The following GABRR2 variants were observed in gnomAD, a reference collection of about 807,000 sequenced individuals.
GABRR2 encodes gamma-aminobutyric acid type A receptor subunit rho2.
In GABRR2, 36 loss-of-function variants were observed where a neutral mutation model predicts 47.0. The observed-to-expected ratio is 0.77, with a 90% CI of 0.59 to 1.01. The LOEUF (loss-of-function observed/expected upper bound fraction) is 1.01, where lower values mean the gene tolerates loss of function less well. Ranked by LOEUF, GABRR2 falls within the 50% of genes least tolerant of loss-of-function variation. GABRR2 has a pLI of 0.00. For missense variants in GABRR2, 587 were observed against 594.6 expected (o/e 0.99, Z 0.13); for synonymous variants, 204 against 227.5 (o/e 0.90, Z 0.93).
intron 1 of GABRR2, among the ~76,000 whole-genome samples, chr6:89,300,288 T>C (rs1774643738): frequency 6.6e-6 from 1 of 152,124 alleles, no homozygotes; most frequent in African/African-American, 2.4e-5. Flanking sequence ...GGTGGGCAGA[T>C]TGCTTGAGGT....
At chr6:89,282,478 G>A (rs536769889) in intron 2 of GABRR2, among the ~76,000 whole-genome samples, 1 of 152,356 alleles carries the variant, frequency 6.6e-6, no homozygotes, top group South Asian at 2.1e-4. Context: ...CTTGCTATGA[G>A]AGCCCAGGGT....
intron 2 of GABRR2, among the ~76,000 whole-genome samples, chr6:89,284,795 G>C (rs1370782736): frequency 2.6e-5 from 4 of 152,206 alleles, no homozygotes; most frequent in Non-Finnish European, 4.4e-5. Flanking sequence ...CTCCGCATTT[G>C]TGATAATTTG....
rs1312127974 is a variant in GABRR2 at position 89,299,797 on chromosome 6, A to G, written c.182T>C (p.Val61Ala). Residue 61 changes from valine (V) to alanine (A), a missense_variant, in exon 2 of 9, where the codon GTG becomes GCG. By Grantham distance (64) the Val-to-Ala change is moderately conservative. Coordinates refer to ENST00000402938, the MANE Select transcript of GABRR2 (RefSeq NM_002043.5). ...TCTCATGCTGAAGTCGTGCTCGTCCACTCTGAGAAGCTGCTGAGGCTTTCC... is the reference window on the plus strand; with the variant it reads ...TCTCATGCTGAAGTCGTGCTCGTCCGCTCTGAGAAGCTGCTGAGGCTTTCC... ...RKGKPQQLLRVDEHDFSMRPA... is the reference protein window; with the variant it reads ...RKGKPQQLLRADEHDFSMRPA... The G allele has an allele frequency of 2.5e-6, 4 of 1,613,690 alleles. No homozygotes were observed. Among genetic ancestry groups the G allele is most frequent in the African/African-American group, 1.3e-5 (1 of 74,844 alleles).
At chr6:89,302,931 G>T (rs768594435) in intron 1 of GABRR2, 1 of 1,189,560 alleles carries the variant, frequency 8.4e-7, no homozygotes, top group Non-Finnish European at 1.2e-6. Context: ...ACATGTTCCA[G>T]CACAAGGCCT....
chr6:89,313,647 T>C (rs1026355335), intron 1 of GABRR2, among the ~76,000 whole-genome samples: 2 of 152,178 alleles, frequency 1.3e-5, no homozygotes. Flanking sequence ...CTGGGTGTGG[T>C]GGCTTCTGCC....
intron 2 of GABRR2, among the ~76,000 whole-genome samples, chr6:89,275,867 G>A (rs910233205): frequency 6.6e-6 from 1 of 152,012 alleles, no homozygotes; most frequent in African/African-American, 2.4e-5. Context: ...AACCTTTGTA[G>A]GGTTCGCAGC....
intron 1 of GABRR2, chr6:89,303,032 A>G (rs1320681130): frequency 8.4e-7 from 1 of 1,192,810 alleles, no homozygotes; most frequent in African/African-American, 1.6e-5. Flanking sequence ...GAGTACCAGC[A>G]GTACCAGGAC....
rs1332411430 is a variant in GABRR2 at position 89,255,095 on chromosome 6, A to G, written c.*2575T>C. Among the ~76,000 whole-genome samples the G allele has an allele frequency of 6.6e-6, 1 of 152,224 alleles. No individual in the cohort carries two copies. The highest frequency in any genetic ancestry group is 1.5e-5 in the Non-Finnish European group (1 of 68,044). On this transcript the variant is annotated 3_prime_UTR_variant, in exon 9 of 9. Coordinates refer to ENST00000402938, the MANE Select transcript of GABRR2 (RefSeq NM_002043.5). ...AATATGATATATTTAATGACAATAG[A>G]ATTATCATTCTTCGAGCAGCACTGT...
intron 2 of GABRR2, among the ~76,000 whole-genome samples, chr6:89,273,208 T>C (rs1451810796): frequency 2.0e-5 from 3 of 152,196 alleles, no homozygotes; most frequent in Non-Finnish European, 2.9e-5. Flanking sequence ...TCAGGGCCCA[T>C]GAGAAATCTT....
chr6:89,297,744 T>C (rs1262065991), intron 2 of GABRR2, among the ~76,000 whole-genome samples: 1 of 152,150 alleles, frequency 6.6e-6, no homozygotes, highest in East Asian at 1.9e-4. Flanking sequence ...TCCCAGCTAT[T>C]CAGGAGGCTG....
Position 89,283,973 on chromosome 6 carries a change from C to T in GABRR2, c.221-12251G>A, listed in dbSNP as rs141421288. Among the ~76,000 whole-genome samples, 273 of 152,228 alleles carry T rather than the reference C, an allele frequency of 1.8e-3. 2 individuals are homozygous for T. Among genetic ancestry groups the T allele is most frequent in the African/African-American group, 6.1e-3 (252 of 41,526 alleles). ...TAATTACAGCTCTTAAGGTGGTATA[C>T]GTAGGAGCCTCAGAGAGACAGATTG... On this transcript the variant is annotated intron_variant, in intron 2 of 8. Transcript: ENST00000402938.
At chr6:89,291,719 C>T (rs1289482452) in intron 2 of GABRR2, among the ~76,000 whole-genome samples, 2 of 152,208 alleles carry the variant, frequency 1.3e-5, no homozygotes, top group Non-Finnish European at 2.9e-5. Flanking sequence ...AGACACCCTA[C>T]ATCACTTCTG....
chr6:89,268,084 A>G lies in GABRR2; in HGVS notation c.525T>C (p.Thr175=), dbSNP rs752193690. 2 of 1,609,316 alleles carry G rather than the reference A, an allele frequency of 1.2e-6. No individual in the cohort carries two copies. The highest frequency in any genetic ancestry group is 1.7e-5 in the Admixed American group (1 of 59,424). ...HVLYSMRITV[T]AMCNMDFSHF... ...GGCTGAAGTCCATGTTGCACATGGC[A>G]GTGACCGTAATCCTAGACAACCCAG... Residue 175 remains threonine (T), a synonymous_variant, in exon 5 of 9, where the codon ACT becomes ACC. Coordinates refer to ENST00000402938, the MANE Select transcript of GABRR2 (RefSeq NM_002043.5).
rs1439507858 is a variant in GABRR2 at position 89,256,711 on chromosome 6, T to A, written c.*959A>T. On this transcript the variant is annotated 3_prime_UTR_variant, in exon 9 of 9. Transcript: ENST00000402938. ...AAAGTCAGCCATGTGGGCAATCAGC[T>A]ATAAATCCATGACCGACCCCAATAA... Among the ~76,000 whole-genome samples, 1 of 152,204 alleles carries A rather than the reference T, an allele frequency of 6.6e-6. No individual in the cohort carries two copies. The highest frequency in any genetic ancestry group is 1.5e-5 in the Non-Finnish European group (1 of 68,030).
At chr6:89,277,297 CTG>C (rs1208982942) in intron 2 of GABRR2, among the ~76,000 whole-genome samples, 1 of 152,228 alleles carries the variant, frequency 6.6e-6, no homozygotes, top group African/African-American at 2.4e-5. Flanking sequence ...TCTGCCCTGA[CTG>C]TAAGTTTCCT....
chr6:89,264,590 G>A lies in GABRR2; in HGVS notation c.908C>T (p.Thr303Ile). The change falls in exon 8 of 9, where the codon ACC becomes ATC. Residue 303 changes from threonine (T) to isoleucine (I), a missense_variant. By Grantham distance (89) the Thr-to-Ile change is moderately conservative (BLOSUM62 -1). Coordinates refer to ENST00000402938, the MANE Select transcript of GABRR2 (RefSeq NM_002043.5). ...RVSLGITTVL[T>I]MTTIITGVNA... Reference sequence around the variant, plus strand: ...CACGCCCGTGATGATGGTGGTCATGGTCAGCACCGTCGTGATACCTGCAAC... The same window carrying A: ...CACGCCCGTGATGATGGTGGTCATGATCAGCACCGTCGTGATACCTGCAAC... 6.2e-7 allele frequency: 1 copy of A among 1,614,192 alleles called. No individual in the cohort carries two copies. Among genetic ancestry groups the A allele is most frequent in the Non-Finnish European group, 8.5e-7 (1 of 1,180,034 alleles).
At chr6:89,286,110 T>TAA (rs1774332056) in intron 2 of GABRR2, among the ~76,000 whole-genome samples, 1 of 152,196 alleles carries the variant, frequency 6.6e-6, no homozygotes, top group Non-Finnish European at 1.5e-5. Context: ...CTAAATGTTT[T>TAA]TCAATGCCTA....
chr6:89,298,702 T>G (rs184697334), intron 2 of GABRR2, among the ~76,000 whole-genome samples: 1 of 152,314 alleles, frequency 6.6e-6, no homozygotes, highest in East Asian at 1.9e-4. Context: ...CTCTGCCTAG[T>G]CAGAGCAGAT....
At chr6:89,260,557 C>T (rs1235711850) in intron 8 of GABRR2, among the ~76,000 whole-genome samples, 1 of 152,216 alleles carries the variant, frequency 6.6e-6, no homozygotes, top group Non-Finnish European at 1.5e-5. Context: ...CTCTCGCCTG[C>T]ACTTGTCTGC....
Sources: allele counts gnomAD v4.1 joint callset (sites outside exome capture counted in the v4.1 genomes callset), GRCh38; gene constraint gnomAD v4.1.1; transcripts MANE v1.5; gene names NCBI Gene and HGNC (gene_info 2026-07-23, HGNC 2026-07-21).